KIF5A: variants seen among roughly 807,000 people sequenced by gnomAD.
KIF5A encodes the protein kinesin heavy chain isoform 5A.
A neutral mutation model predicts 141.3 loss-of-function variants in KIF5A; 35 were observed. The ratio of observed to expected loss-of-function variants is 0.25; its 90% CI spans 0.19 to 0.33. The LOEUF is 0.33. Among genes scored for constraint, KIF5A ranks in the 10% least tolerant of loss-of-function variants. The pLI, the probability that KIF5A is intolerant of heterozygous loss-of-function variation, is 1.00. For missense variants in KIF5A, 861 were observed against 1,314.3 expected, an observed-to-expected ratio of 0.66 and a Z score of 5.33; for synonymous variants, 448 against 500.2, an observed-to-expected ratio of 0.90 and a Z score of 1.39.
At chr12:57,582,390 C>T (rs896998908) in intron 26 of KIF5A, among the ~76,000 whole-genome samples, 1 of 152,132 alleles carries the variant, frequency 6.6e-6, no homozygotes, top group African/African-American at 2.4e-5. Flanking sequence ...CCCTTGCCTT[C>T]CAGTTCCCTT....
At chr12:57,578,160 TG>T in intron 22 of KIF5A, 77 bp from the exon 23 acceptor site, 4 of 1,571,612 alleles carry the variant, frequency 2.5e-6, no homozygotes, top group Non-Finnish European at 3.5e-6. Flanking sequence ...GTTGCCCCTA[TG>T]GGGCTGGCTT....
chr12:57,582,006 A>C, intron 26 of KIF5A, 54 bp downstream of exon 26: 1 of 1,407,528 alleles, frequency 7.1e-7, no homozygotes, highest in Admixed American at 1.7e-5. Flanking sequence ...GCAAGTTGAG[A>C]GGCATAAAAG....
intron 15 of KIF5A, among the ~76,000 whole-genome samples, chr12:57,574,427 C>T (rs943445784): frequency 6.6e-6 from 1 of 151,310 alleles, no homozygotes; most frequent in African/African-American, 2.4e-5. Context: ...CACACACCAC[C>T]TCTCCTGGCT....
In KIF5A at chr12:57,575,245, C is replaced by T. The variant is rs756267072; in HGVS notation, c.1878C>T (p.Leu626=). 3.1e-6 allele frequency: 5 copies of T among 1,613,566 alleles called. No homozygotes were observed. The part of the protein sequence containing the change: ...HRKMEVTGRE[L]SSCQLLISQH... Reference sequence around the variant, plus strand: ...AGATGGAAGTGACCGGGCGGGAGCTCTCATCCTGCCAGCTCCTCATCTCTC... The same window carrying T: ...AGATGGAAGTGACCGGGCGGGAGCTTTCATCCTGCCAGCTCCTCATCTCTC... The change falls in exon 16 of 29, where the codon CTC becomes CTT. Residue 626 remains leucine, a synonymous_variant. Transcript: ENST00000455537.
At chr12:57,561,745 A>C (rs947297183) in intron 1 of KIF5A, among the ~76,000 whole-genome samples, 1 of 152,218 alleles carries the variant, frequency 6.6e-6, no homozygotes, top group African/African-American at 2.4e-5. Flanking sequence ...CAAAATGAAA[A>C]ATAAAAGCCT....
At chr12:57,577,148 T>C (rs1184685690) in intron 20 of KIF5A, among the ~76,000 whole-genome samples, 1 of 152,214 alleles carries the variant, frequency 6.6e-6, no homozygotes, top group East Asian at 1.9e-4. Flanking sequence ...TATGTAGGCA[T>C]AGAAAAAAGT....
chr12:57,577,636 A>C, intron 20 of KIF5A, 77 bp from the exon 21 acceptor site: 1 of 1,080,984 alleles, frequency 9.3e-7, no homozygotes, highest in South Asian at 1.3e-5. Flanking sequence ...AAATGGAGAT[A>C]AAAGTAATAG....
chr12:57,553,528 T>G (rs1358141164), intron 1 of KIF5A, among the ~76,000 whole-genome samples: 1 of 152,080 alleles, frequency 6.6e-6, no homozygotes, highest in Non-Finnish European at 1.5e-5. Context: ...TAACGTTCAT[T>G]GTGGCCAGTG....
chr12:57,562,301 C>T (rs1018933854), intron 1 of KIF5A, among the ~76,000 whole-genome samples: 3 of 152,210 alleles, frequency 2.0e-5, no homozygotes, highest in South Asian at 4.1e-4. Flanking sequence ...CTGCAACCTC[C>T]GCCTCCTGGG....
intron 13 of KIF5A, among the ~76,000 whole-genome samples, 153 bp from the exon 14 acceptor site, chr12:57,571,908 T>C (rs1369735397): frequency 6.6e-6 from 1 of 152,222 alleles, no homozygotes; most frequent in Non-Finnish European, 1.5e-5. Context: ...TTCTTCATTC[T>C]TCATTCTGTT....
chr12:57,577,316 T>C (rs1383977356), intron 20 of KIF5A, among the ~76,000 whole-genome samples: 1 of 152,170 alleles, frequency 6.6e-6, no homozygotes, highest in Non-Finnish European at 1.5e-5. Context: ...AATAATAGGC[T>C]GGGTGCGATG....
In KIF5A at chr12:57,581,474, C is replaced by G. The variant is rs779422769; in HGVS notation, c.2815C>G (p.Arg939Gly). The change falls in exon 25 of 29, where the codon CGG becomes GGG. Residue 939 changes from arginine to glycine, a missense_variant. By Grantham distance (125) the Arg-to-Gly change is moderately radical (BLOSUM62 -2). Coordinates refer to ENST00000455537, the MANE Select transcript of KIF5A (RefSeq NM_004984.4). Reference protein sequence around the residue: ...ASSPTNPYGTRSPECISYTNS... With the variant: ...ASSPTNPYGTGSPECISYTNS... Reference sequence around the variant, plus strand: ...CTCACCCACCAACCCCTATGGCACCCGGAGCCCTGAGTGCATCAGTTACAC... The same window carrying G: ...CTCACCCACCAACCCCTATGGCACCGGGAGCCCTGAGTGCATCAGTTACAC... 1 of 1,614,076 alleles carries G rather than the reference C, an allele frequency of 6.2e-7. No homozygotes were observed. The highest frequency in any genetic ancestry group is 1.3e-5 in the African/African-American group (1 of 74,994).
At position 57,582,647 on chromosome 12, in the gene KIF5A, AC is replaced by A. The variant is rs751099911; in HGVS notation, c.3020+22del. On this transcript the variant is annotated intron_variant, in intron 27 of 28. Coordinates refer to ENST00000455537, the MANE Select transcript of KIF5A (RefSeq NM_004984.4). ...GACAATAGGTACAACAGTCCCCACT[AC>A]CCCTGGGTTCTCTGGGTGGGACCAG... 3.7e-5 allele frequency: 60 copies of A among 1,600,018 alleles called. No homozygotes were observed. The African/African-American group carries it at 7.8e-4, about 21-fold the overall frequency.
chr12:57,575,972 A>G, intron 17 of KIF5A, 115 bp from the exon 18 acceptor site: 2 of 1,057,630 alleles, frequency 1.9e-6, no homozygotes, highest in East Asian at 2.4e-5. Flanking sequence ...GTCCTAACAC[A>G]GAAGAACATC....
chr12:57,570,058 A>G lies in KIF5A; in HGVS notation c.1189A>G (p.Thr397Ala). ...AALGAELCEE[T>A]PVNDNSSIVV... is the part of the protein sequence containing the mutation. ...CCTGGGAGCCGAGCTCTGTGAGGAGACCCCTGTGAATGACAACTCATCCAT... is the reference window on the plus strand; with the variant it reads ...CCTGGGAGCCGAGCTCTGTGAGGAGGCCCCTGTGAATGACAACTCATCCAT... Residue 397 changes from threonine to alanine, a missense_variant, in exon 12 of 29, where the codon ACC becomes GCC. By Grantham distance (58) the Thr-to-Ala change is moderately conservative (BLOSUM62 0). Coordinates refer to ENST00000455537, the MANE Select transcript of KIF5A (RefSeq NM_004984.4). 6.2e-7 allele frequency: 1 copy of G among 1,614,084 alleles called. No individual in the cohort carries two copies. Among genetic ancestry groups the G allele is most frequent in the Non-Finnish European group, 8.5e-7 (1 of 1,179,996 alleles).
chr12:57,554,839 A>G (rs892871264), intron 1 of KIF5A, among the ~76,000 whole-genome samples: 2 of 152,206 alleles, frequency 1.3e-5, no homozygotes, highest in Non-Finnish European at 2.9e-5. Flanking sequence ...ACATGAACTC[A>G]TAAAGCGATA....
intron 15 of KIF5A, among the ~76,000 whole-genome samples, chr12:57,573,601 G>A (rs1411528100): frequency 4.6e-5 from 7 of 151,794 alleles, no homozygotes; most frequent in Non-Finnish European, 1.0e-4. Context: ...AGGACGAGGC[G>A]GGTGGATCAC....
rs1594926556 is a variant in KIF5A at position 57,581,854 on chromosome 12, C to T, written c.2910-16C>T. 2 of 1,612,818 alleles carry T rather than the reference C, an allele frequency of 1.2e-6. No homozygotes were observed. The highest frequency in any genetic ancestry group is 1.7e-6 in the Non-Finnish European group (2 of 1,179,220). ...GGTGGGTGTCAGAGGCTGCCTCTTTCCTCTGCTCCATCCAGCTTTGCAAAC... is the reference window on the plus strand; with the variant it reads ...GGTGGGTGTCAGAGGCTGCCTCTTTTCTCTGCTCCATCCAGCTTTGCAAAC... On this transcript the variant is annotated splice_polypyrimidine_tract_variant and intron_variant, in intron 25 of 28. Coordinates refer to ENST00000455537, the MANE Select transcript of KIF5A (RefSeq NM_004984.4).
intron 17 of KIF5A, 98 bp from the exon 18 acceptor site, chr12:57,575,989 G>T: frequency 8.6e-7 from 1 of 1,163,128 alleles, no homozygotes. Flanking sequence ...CATCCCTGTG[G>T]GTCCATTCCC....
Sources: gnomAD v4.1 joint callset for allele counts (sites outside exome capture counted in the v4.1 genomes callset) on GRCh38, gnomAD v4.1.1 for gene constraint, MANE v1.5 for transcripts, NCBI Gene and HGNC (gene_info 2026-07-23, HGNC 2026-07-21) for gene names.